The following PSG8 variants were observed in gnomAD, a reference collection of about 807,000 sequenced individuals.
PSG8 encodes pregnancy-specific beta-1-glycoprotein 8.
Under a neutral mutation model 42.5 loss-of-function variants are expected in PSG8, and 57 were observed. That is an observed-to-expected ratio of 1.34 (90% CI 1.08 to 1.67). PSG8 has a LOEUF of 1.67. PSG8 is among the 40% of genes most tolerant of loss of function. The pLI is 0.00. For missense variants in PSG8, 783 were observed against 518.6 expected (o/e 1.51, Z -4.95); for synonymous variants, 280 against 196.8 (o/e 1.42, Z -3.54).
At chr19:42,760,886 G>A (rs1029186089) in intron 2 of PSG8, among the ~76,000 whole-genome samples, 2 of 152,098 alleles carry the variant, frequency 1.3e-5, no homozygotes, top group African/African-American at 4.8e-5. Context: ...CATCTCTGAG[G>A]GAGTTTAACG....
chr19:42,756,422 A>C (rs1969928347), intron 3 of PSG8, among the ~76,000 whole-genome samples: 1 of 152,148 alleles, frequency 6.6e-6, no homozygotes, highest in Non-Finnish European at 1.5e-5. Flanking sequence ...CAAATTGAGT[A>C]TTTCTTATGC....
intron 4 of PSG8, 66 bp downstream of exon 4, chr19:42,754,922 G>A: frequency 6.4e-7 from 1 of 1,574,234 alleles, no homozygotes; most frequent in Non-Finnish European, 8.6e-7. Flanking sequence ...AGAGTGAGAG[G>A]CCTGGCCTCT....
chr19:42,758,383 A>C (rs1969987562), intron 2 of PSG8, 103 bp from the exon 3 acceptor site: 3 of 1,536,530 alleles, frequency 2.0e-6, no homozygotes. Flanking sequence ...AGCCCACCCA[A>C]GTCCTTAAAA....
chr19:42,754,160 G>A, downstream of PSG8: 4 of 1,478,528 alleles, frequency 2.7e-6, no homozygotes, highest in South Asian at 1.4e-5. Flanking sequence ...CAGCCTGTTT[G>A]TTAAAGTTTT....
chr19:42,755,482 A>T (rs1440978373), intron 3 of PSG8: 1 of 1,049,784 alleles, frequency 9.5e-7, no homozygotes, highest in Admixed American at 2.9e-5. Flanking sequence ...AGACTTTCTC[A>T]AGTGTCAATT....
At chr19:42,757,691 C>G (rs1027731022) in intron 3 of PSG8, among the ~76,000 whole-genome samples, 1 of 152,156 alleles carries the variant, frequency 6.6e-6, no homozygotes, top group African/African-American at 2.4e-5. Flanking sequence ...CCCTGTGAGC[C>G]AAGTCACAAC....
rs1281560586 is a variant in PSG8, at chr19:42,754,311, A to G, written c.1265T>C (p.Leu422Ser). ...KVSGKRIPVS[L>S]AIGI ...AGACTCCACCTAAATCCCTATTGCC[A>G]AGGATACTGGGATCCGCTTACCAGA... The change falls in exon 5 of 5, where the codon TTG (leucine) becomes TCG (serine). Residue 422 changes from leucine to serine, a missense_variant. Leu to Ser is a moderately radical substitution (Grantham distance 145). Transcript: ENST00000306511. 3.1e-6 allele frequency: 5 copies of G among 1,613,630 alleles called. No homozygotes were observed. Among genetic ancestry groups the G allele is most frequent in the Non-Finnish European group, 4.2e-6 (5 of 1,179,722 alleles).
At chr19:42,757,339 T>G (rs556424742) in intron 3 of PSG8, among the ~76,000 whole-genome samples, 1 of 152,186 alleles carries the variant, frequency 6.6e-6, no homozygotes, top group African/African-American at 2.4e-5. Context: ...GGGATCCACT[T>G]ACCAGGGACT....
intron 2 of PSG8, among the ~76,000 whole-genome samples, chr19:42,760,202 G>T (rs1392615819): frequency 2.0e-5 from 3 of 152,120 alleles, no homozygotes; most frequent in Non-Finnish European, 4.4e-5. Context: ...AATGGCTCAT[G>T]TGTCTCCCCA....
At position 42,758,267 on chromosome 19, in the gene PSG8, C is replaced by T. The variant is rs538452549; in HGVS notation, c.444G>A (p.Lys148=). Residue 148 remains lysine (K), a synonymous_variant, in exon 3 of 5, where the codon AAG becomes AAA. Coordinates refer to ENST00000306511, the MANE Select transcript of PSG8 (RefSeq NM_182707.3). ...FTFTLYLETP[K]PSISSSKLNP... ...TTAATTTGCTGCTGGAGATGGAGGG[C>T]TTGGGAGTCTCCACTGTGCAGAAAA... is the stretch of plus-strand genomic sequence containing the variant. 3.1e-6 allele frequency: 5 copies of T among 1,613,908 alleles called. No individual in the cohort carries two copies. In the Admixed American group the frequency reaches 5.0e-5, roughly 16 times the overall value.
At chr19:42,762,853 A>G (rs569314439) in intron 2 of PSG8, among the ~76,000 whole-genome samples, 3 of 152,146 alleles carry the variant, frequency 2.0e-5, no homozygotes, top group Non-Finnish European at 2.9e-5. Flanking sequence ...GAGCCAATAA[A>G]TGACTATGGG....
At chr19:42,752,882 A>G, downstream of PSG8, 1 of 236,116 alleles carries the variant, frequency 4.2e-6, no homozygotes, top group South Asian at 9.9e-5. Flanking sequence ...CTCTGTGTTC[A>G]TTTCTATTGG....
rs1156968055 is a variant in PSG8, at chr19:42,765,382, G to A, written c.64+136C>T. On this transcript the variant is annotated intron_variant, in intron 1 of 4. Transcript: ENST00000306511. ...TTGGCCAGACTGATCTTGAACTCCT[G>A]ATCTCATGATCCACCTGCCTCAGCC... The A allele has an allele frequency of 7.9e-5, 109 of 1,383,188 alleles. 1 individual carries two copies. Among genetic ancestry groups the A allele is most frequent in the Non-Finnish European group, 1.1e-4 (108 of 1,009,890 alleles). 85.7% of individuals were successfully genotyped at this position (1,383,188 alleles called of 1,614,324 possible). A position where few individuals can be genotyped will look rare whatever the true frequency, so the allele number is the denominator to read the frequency against.
chr19:42,754,133 G>A, downstream of PSG8: 1 of 1,371,872 alleles, frequency 7.3e-7, no homozygotes, highest in Non-Finnish European at 9.9e-7. Flanking sequence ...TCTAGGCTGG[G>A]AATTTTATGA....
At chr19:42,753,073 G>A (rs923923457), downstream of PSG8, 1 of 601,862 alleles carries the variant, frequency 1.7e-6, no homozygotes. Flanking sequence ...ACAGTTAAGA[G>A]GGGTGAGAGC....
In PSG8 at chr19:42,765,623, T is replaced by A; in HGVS notation, c.-42A>T. ...GTGTTCTCCTCTGTGGAGATGAGCC[T>A]AGGATCCAGAAGCTTCCTGAGCACA... On this transcript the variant is annotated 5_prime_UTR_variant, in exon 1 of 5. Coordinates refer to ENST00000306511, the MANE Select transcript of PSG8 (RefSeq NM_182707.3). 1 of 1,602,802 alleles carries A rather than the reference T, an allele frequency of 6.2e-7. No individual in the cohort carries two copies. Among genetic ancestry groups the A allele is most frequent in the East Asian group, 2.2e-5 (1 of 44,808 alleles).
rs535222141 is a variant in PSG8, at chr19:42,754,929, C to T, written c.988+59G>A. 18 of 1,575,482 alleles carry T rather than the reference C, an allele frequency of 1.1e-5. No individual in the cohort carries two copies. The South Asian group carries it at 1.9e-4, about 17-fold the overall frequency. ...CCAGAGAGAGAGTGAGAGGCCTGGCCTCTGGTCGTTTTGATTTAAGCTGGT... is the reference window on the plus strand; with the variant it reads ...CCAGAGAGAGAGTGAGAGGCCTGGCTTCTGGTCGTTTTGATTTAAGCTGGT... On this transcript the variant is annotated intron_variant, in intron 4 of 4. Coordinates refer to ENST00000306511, the MANE Select transcript of PSG8 (RefSeq NM_182707.3).
At chr19:42,757,472 C>T (rs1600410059) in intron 3 of PSG8, among the ~76,000 whole-genome samples, 2 of 152,200 alleles carry the variant, frequency 1.3e-5, no homozygotes, top group East Asian at 1.9e-4. Flanking sequence ...ATTGCTGGAA[C>T]TTCCCATCAA....
At chr19:42,760,089 C>T (rs1970035214) in intron 2 of PSG8, among the ~76,000 whole-genome samples, 2 of 152,228 alleles carry the variant, frequency 1.3e-5, no homozygotes, top group South Asian at 4.2e-4. Context: ...GGGGAGGACC[C>T]CAAAACAGGT....
Sources: gnomAD v4.1 joint callset for allele counts (sites outside exome capture counted in the v4.1 genomes callset) on GRCh38, gnomAD v4.1.1 for gene constraint, MANE v1.5 for transcripts, NCBI Gene and HGNC (gene_info 2026-07-23, HGNC 2026-07-21) for gene names.